Variants in PDE1A observed in about 807,000 individuals in gnomAD.
PDE1A encodes dual specificity calcium/calmodulin-dependent 3',5'-cyclic nucleotide phosphodiesterase 1A.
In PDE1A, 35 loss-of-function variants were observed where a neutral mutation model predicts 61.7. The ratio of observed to expected loss-of-function variants is 0.57; its 90% confidence interval spans 0.43 to 0.75. The LOEUF is 0.75. Among genes scored for constraint, PDE1A ranks in the 30% least tolerant of loss-of-function variants. PDE1A has a pLI of 0.00. For missense variants in PDE1A, 597 were observed against 630.6 expected (o/e 0.95, Z 0.57); for synonymous variants, 232 against 213.2 (o/e 1.09, Z -0.77).
intron 6 of PDE1A, among the ~76,000 whole-genome samples, chr2:182,229,549 A>T (rs906577685): frequency 6.6e-6 from 1 of 152,156 alleles, no homozygotes; most frequent in Non-Finnish European, 1.5e-5. Flanking sequence ...ATTTTGCAAA[A>T]ATTGACATTA....
chr2:182,349,875 G>T lies in PDE1A; in HGVS notation c.53+76703C>A, dbSNP rs191189117. On this transcript the variant is annotated intron_variant, in intron 1 of 13. Transcript: ENST00000351439. ...AGTAGGCGAGTAGCAGTGAATAGAAGAATGCAAGATTTTTTTACTACTGTA... is the reference window on the plus strand; with the variant it reads ...AGTAGGCGAGTAGCAGTGAATAGAATAATGCAAGATTTTTTTACTACTGTA... Among the ~76,000 whole-genome samples the T allele has an allele frequency of 2.4e-3, 366 of 152,228 alleles. 1 individual carries two copies. Among genetic ancestry groups the T allele is most frequent in the African/African-American group, 8.1e-3 (338 of 41,544 alleles).
the PDE1A span, among the ~76,000 whole-genome samples, chr2:182,587,136 G>C: frequency 1.3e-5 from 2 of 152,174 alleles, no homozygotes; most frequent in Non-Finnish European, 2.9e-5. Context: ...AATGCCTGCA[G>C]GTCAGCATTA....
intron 1 of PDE1A, among the ~76,000 whole-genome samples, chr2:182,268,914 T>A (rs1195553152): frequency 6.6e-6 from 1 of 152,028 alleles, no homozygotes; most frequent in African/African-American, 2.4e-5. Flanking sequence ...ATATGATAGT[T>A]CCCCAACTGG....
intron 1 of PDE1A, among the ~76,000 whole-genome samples, chr2:182,372,888 G>C (rs549588970): frequency 1.3e-5 from 2 of 152,272 alleles, no homozygotes; most frequent in African/African-American, 2.4e-5. Flanking sequence ...GGACAGGCTG[G>C]AACAAGGCAG....
the PDE1A span, among the ~76,000 whole-genome samples, chr2:182,609,940 T>C: frequency 6.6e-6 from 1 of 152,078 alleles, no homozygotes; most frequent in Non-Finnish European, 1.5e-5. Context: ...ATACAAAAAT[T>C]AGCTGGGTCT....
intron 1 of PDE1A, among the ~76,000 whole-genome samples, chr2:182,386,134 C>T (rs181019954): frequency 7.9e-5 from 12 of 152,312 alleles, no homozygotes; most frequent in African/African-American, 2.4e-4. Context: ...GACGGAGTCT[C>T]GTTCACTCAG....
intron 13 of PDE1A, among the ~76,000 whole-genome samples, chr2:182,177,750 T>C (rs1481776112): frequency 6.9e-6 from 1 of 144,292 alleles, no homozygotes; most frequent in Non-Finnish European, 1.5e-5. Flanking sequence ...AAAATGTCTT[T>C]TTTGTTGCTC....
rs1442700618 is a variant in PDE1A at position 182,214,617 on chromosome 2, A to C, written c.777-8552T>G. ...AAAAAAAGGCAGGGGTTGCAATCCT[A>C]CTCTCTGATAAAACAGACTTTAAAC... On this transcript the variant is annotated intron_variant, in intron 7 of 13. Coordinates refer to ENST00000351439, the Ensembl canonical transcript of PDE1A. Among the ~76,000 whole-genome samples the C allele has an allele frequency of 4.7e-5, 7 of 150,482 alleles. No individual in the cohort carries two copies. In the South Asian group the frequency reaches 1.1e-3, roughly 23 times the overall value.
intron 13 of PDE1A, among the ~76,000 whole-genome samples, chr2:182,169,241 A>C (rs1269044139): frequency 2.0e-5 from 3 of 152,062 alleles, no homozygotes; most frequent in Non-Finnish European, 4.4e-5. Flanking sequence ...TTCCATCTCC[A>C]GTTTAGTAGA....
At chr2:182,596,304 A>G in the PDE1A span, among the ~76,000 whole-genome samples, 1 of 152,176 alleles carries the variant, frequency 6.6e-6, no homozygotes, top group East Asian at 1.9e-4. Flanking sequence ...CTTCAGGCAA[A>G]GGGGAGTCCG....
Position 182,299,274 on chromosome 2 carries a change from C to G in PDE1A, c.54-34860G>C, listed in dbSNP as rs574805680. 1.8e-3 allele frequency among the ~76,000 whole-genome samples: 267 copies of G among 151,628 alleles called. 1 individual carries two copies. The highest frequency in any genetic ancestry group is 6.3e-3 in the African/African-American group (261 of 41,278). ...ACAGTGGACATAATATGTCCACAAACTCATCTGGTGATTATTTCCCTAGTC... is the reference window on the plus strand; with the variant it reads ...ACAGTGGACATAATATGTCCACAAAGTCATCTGGTGATTATTTCCCTAGTC... On this transcript the variant is annotated intron_variant, in intron 1 of 13. Transcript: ENST00000351439.
At chr2:182,208,279 A>G (rs1254271798) in intron 7 of PDE1A, among the ~76,000 whole-genome samples, 1 of 152,110 alleles carries the variant, frequency 6.6e-6, no homozygotes, top group Non-Finnish European at 1.5e-5. Flanking sequence ...TGGTGGGGGC[A>G]GGGGCCTCAG....
intron 13 of PDE1A, among the ~76,000 whole-genome samples, chr2:182,157,514 T>C (rs1691159183): frequency 6.6e-6 from 1 of 152,200 alleles, no homozygotes; most frequent in Non-Finnish European, 1.5e-5. Flanking sequence ...ATCAACAAAC[T>C]CTTCAATGCA....
intron 1 of PDE1A, among the ~76,000 whole-genome samples, chr2:182,290,585 C>A (rs1694462741): frequency 6.6e-6 from 1 of 151,964 alleles, no homozygotes; most frequent in South Asian, 2.1e-4. Context: ...AGGGGCCTCC[C>A]CATGTCCCTT....
At chr2:182,277,301 T>C (rs1693489649) in intron 1 of PDE1A, among the ~76,000 whole-genome samples, 1 of 152,094 alleles carries the variant, frequency 6.6e-6, no homozygotes, top group African/African-American at 2.4e-5. Flanking sequence ...GTAAAATTCC[T>C]CTCTTTGTAC....
At chr2:182,391,220 G>T (rs575351657) in intron 1 of PDE1A, among the ~76,000 whole-genome samples, 2 of 152,098 alleles carry the variant, frequency 1.3e-5, no homozygotes, top group South Asian at 2.1e-4. Context: ...GCCCATATCC[G>T]CATTTAACGT....
chr2:182,696,425 T>C, the PDE1A span, among the ~76,000 whole-genome samples: 1 of 152,088 alleles, frequency 6.6e-6, no homozygotes, highest in African/African-American at 2.4e-5. Flanking sequence ...ACTATGGAGA[T>C]AGTAGAAAGG....
intron 6 of PDE1A, among the ~76,000 whole-genome samples, chr2:182,228,198 A>G (rs1401905131): frequency 6.6e-6 from 1 of 152,114 alleles, no homozygotes; most frequent in Non-Finnish European, 1.5e-5. Context: ...AGATAGGGGG[A>G]CAAGCAGGTG....
At chr2:182,626,119 G>A in the PDE1A span, among the ~76,000 whole-genome samples, 2 of 152,160 alleles carry the variant, frequency 1.3e-5, no homozygotes, top group African/African-American at 4.8e-5. Flanking sequence ...GGAAGTGCAG[G>A]AAGTGACTGA....
Sources: gnomAD v4.1 joint callset for allele counts (sites outside exome capture counted in the v4.1 genomes callset) on GRCh38, gnomAD v4.1.1 for gene constraint, MANE v1.5 for transcripts, NCBI Gene and HGNC (gene_info 2026-07-23, HGNC 2026-07-21) for gene names.